The following RAB28 variants were observed in gnomAD, a reference collection of about 807,000 sequenced individuals.
RAB28 encodes ras-related protein Rab-28.
In RAB28, 24 loss-of-function variants were observed where a neutral mutation model predicts 31.7. That is an observed-to-expected ratio of 0.76 (90% CI 0.55 to 1.06). RAB28 has a LOEUF of 1.06. Among genes scored for constraint, RAB28 ranks in the 50% least tolerant of loss-of-function variants. RAB28 has a pLI of 0.00. For missense variants in RAB28, 254 were observed against 258.5 expected, an observed-to-expected ratio of 0.98 and a Z score of 0.12; for synonymous variants, 100 against 90.4, an observed-to-expected ratio of 1.11 and a Z score of -0.60.
intron 4 of RAB28, among the ~76,000 whole-genome samples, chr4:13,386,343 G>A (rs1269485577): frequency 6.6e-6 from 1 of 151,716 alleles, no homozygotes; most frequent in Non-Finnish European, 1.5e-5. Flanking sequence ...TGGGAGAAAA[G>A]TTTGCAAACT....
At chr4:13,391,655 C>T (rs1729633977) in intron 4 of RAB28, among the ~76,000 whole-genome samples, 1 of 152,212 alleles carries the variant, frequency 6.6e-6, no homozygotes, top group African/African-American at 2.4e-5. Context: ...GGAACCAACC[C>T]AAATGTCCAT....
At chr4:13,412,710 C>A (rs1712514449) in intron 4 of RAB28, among the ~76,000 whole-genome samples, 1 of 151,948 alleles carries the variant, frequency 6.6e-6, no homozygotes, top group Non-Finnish European at 1.5e-5. Flanking sequence ...AAACTAAAGA[C>A]AAAGAGACTT....
At chr4:13,432,650 G>GA (rs935326935) in intron 4 of RAB28, among the ~76,000 whole-genome samples, 7 of 151,990 alleles carry the variant, frequency 4.6e-5, no homozygotes, top group African/African-American at 1.4e-4. Flanking sequence ...ACTTCTTAAA[G>GA]AAAAAACCCC....
chr4:13,412,259 T>C (rs932240215), intron 4 of RAB28, among the ~76,000 whole-genome samples: 1 of 27,818 alleles, frequency 3.6e-5, no homozygotes, highest in African/African-American at 5.9e-5. Flanking sequence ...ACTTCTGAGA[T>C]CCAGGTGGCG....
At chr4:13,379,697 C>T (rs1329154255) in intron 5 of RAB28, among the ~76,000 whole-genome samples, 1 of 152,016 alleles carries the variant, frequency 6.6e-6, no homozygotes, top group Non-Finnish European at 1.5e-5. Context: ...AGAAGAGCCA[C>T]AGTAATTTGT....
intron 4 of RAB28, among the ~76,000 whole-genome samples, chr4:13,411,371 CA>C (rs1712433445): frequency 6.6e-6 from 1 of 152,028 alleles, no homozygotes; most frequent in African/African-American, 2.4e-5. Context: ...TCATTGAATG[CA>C]AGCAAAGCTG....
At chr4:13,413,951 G>A (rs1478172900) in intron 4 of RAB28, among the ~76,000 whole-genome samples, 2 of 152,164 alleles carry the variant, frequency 1.3e-5, no homozygotes, top group Non-Finnish European at 2.9e-5. Context: ...CAGTCTAGGA[G>A]CTATTTTCTC....
rs182147992 is a variant in RAB28, at chr4:13,379,640, G to C, written c.495+1851C>G. ...TTAGGACACTCAAAGGTGTGAAATAGAAGATGGTTGGTGGTTAGTGATTAG... is the reference window on the plus strand; with the variant it reads ...TTAGGACACTCAAAGGTGTGAAATACAAGATGGTTGGTGGTTAGTGATTAG... On this transcript the variant is annotated intron_variant, in intron 5 of 6. Transcript: ENST00000330852. Among the ~76,000 whole-genome samples, 175 of 152,264 alleles carry C rather than the reference G, an allele frequency of 1.1e-3. 1 individual carries two copies. The highest frequency in any genetic ancestry group is 0.011 in the South Asian group (55 of 4,822).
intron 4 of RAB28, among the ~76,000 whole-genome samples, chr4:13,392,161 C>CT (rs1253714980): frequency 1.3e-5 from 2 of 152,246 alleles, no homozygotes; most frequent in Non-Finnish European, 2.9e-5. Context: ...TAGTGGAACA[C>CT]TAACTCTCTA....
chr4:13,478,057 G>C (rs1716445643), intron 2 of RAB28, among the ~76,000 whole-genome samples: 2 of 151,450 alleles, frequency 1.3e-5, no homozygotes. Flanking sequence ...CCACATTTGA[G>C]ATTCTCTGTG....
chr4:13,443,631 A>T (rs1714533356), intron 4 of RAB28, among the ~76,000 whole-genome samples: 1 of 152,180 alleles, frequency 6.6e-6, no homozygotes, highest in African/African-American at 2.4e-5. Flanking sequence ...TAAACAATTA[A>T]ATCAACCTAA....
intron 4 of RAB28, among the ~76,000 whole-genome samples, chr4:13,402,281 C>T (rs193115682): frequency 6.6e-6 from 1 of 152,172 alleles, no homozygotes; most frequent in Non-Finnish European, 1.5e-5. Flanking sequence ...CCTTCTATAT[C>T]CCTACTGATT....
At chr4:13,447,029 T>C (rs1392386555) in intron 4 of RAB28, among the ~76,000 whole-genome samples, 1 of 152,190 alleles carries the variant, frequency 6.6e-6, no homozygotes, top group Non-Finnish European at 1.5e-5. Flanking sequence ...GGCATTACGT[T>C]GCTTCTTCTC....
chr4:13,456,716 C>T (rs1715321094), intron 4 of RAB28, among the ~76,000 whole-genome samples: 1 of 152,116 alleles, frequency 6.6e-6, no homozygotes, highest in Admixed American at 6.5e-5. Context: ...CGGAATAATT[C>T]ATTTTAATAA....
At chr4:13,428,125 T>G (rs1713610609) in intron 4 of RAB28, among the ~76,000 whole-genome samples, 1 of 152,250 alleles carries the variant, frequency 6.6e-6, no homozygotes, top group South Asian at 2.1e-4. Flanking sequence ...ACCTGGAATC[T>G]GTAGATAACA....
At chr4:13,451,754 A>G (rs1714978694) in intron 4 of RAB28, among the ~76,000 whole-genome samples, 1 of 151,622 alleles carries the variant, frequency 6.6e-6, no homozygotes, top group Admixed American at 6.6e-5. Flanking sequence ...TTTTATATTT[A>G]TTGTATTTGT....
intron 5 of RAB28, 36 bp downstream of exon 5, chr4:13,381,455 G>GA: frequency 7.0e-7 from 1 of 1,434,954 alleles, no homozygotes; most frequent in Non-Finnish European, 9.7e-7. Flanking sequence ...TAAATAAAAG[G>GA]AAAACATCAC....
chr4:13,371,241 A>G (rs1728701056), intron 6 of RAB28: 1 of 985,216 alleles, frequency 1.0e-6, no homozygotes, highest in Admixed American at 6.2e-5. Flanking sequence ...TTTACTAGGC[A>G]CTCTGCCTGA....
chr4:13,408,167 T>C (rs948859245), intron 4 of RAB28, among the ~76,000 whole-genome samples: 3 of 152,202 alleles, frequency 2.0e-5, no homozygotes, highest in Non-Finnish European at 4.4e-5. Context: ...ATAGCTCTTA[T>C]TATTTTGAGA....
Sources: gnomAD v4.1 joint callset for allele counts (sites outside exome capture counted in the v4.1 genomes callset) on GRCh38, gnomAD v4.1.1 for gene constraint, MANE v1.5 for transcripts, NCBI Gene and HGNC (gene_info 2026-07-23, HGNC 2026-07-21) for gene names.